CLSTN2: variants seen among roughly 807,000 people sequenced by gnomAD.
CLSTN2 encodes the protein calsyntenin-2.
A neutral mutation model predicts 101.2 loss-of-function variants in CLSTN2; 48 were observed. That is an observed-to-expected ratio of 0.47 (90% CI 0.38 to 0.60). CLSTN2 has a LOEUF of 0.60. CLSTN2 is among the 20% of genes least tolerant of loss of function. The pLI is 0.00. For synonymous variants in CLSTN2, 481 were observed against 463.6 expected (o/e 1.04, Z -0.48); for missense variants, 1,160 against 1,238.2 (o/e 0.94, Z 0.95).
chr3:140,286,201 C>T (rs2086894541), intron 2 of CLSTN2, among the ~76,000 whole-genome samples: 1 of 152,118 alleles, frequency 6.6e-6, no homozygotes, highest in South Asian at 2.1e-4. Context: ...ATGGAGGCCA[C>T]CCCAATAGCC....
intron 1 of CLSTN2, among the ~76,000 whole-genome samples, chr3:140,173,421 G>T (rs2010269947): frequency 6.6e-6 from 1 of 152,210 alleles, no homozygotes; most frequent in African/African-American, 2.4e-5. Context: ...GGCTGATGTT[G>T]AGTACCTGCA....
chr3:140,278,357 C>CG (rs2086813900), intron 2 of CLSTN2, among the ~76,000 whole-genome samples: 1 of 17,544 alleles, frequency 5.7e-5, no homozygotes, highest in African/African-American at 9.6e-5. Context: ...GGGCTCAACA[C>CG]TTGAGCGAGC....
chr3:139,970,810 C>T (rs970457897), intron 1 of CLSTN2, among the ~76,000 whole-genome samples: 2 of 152,154 alleles, frequency 1.3e-5, no homozygotes, highest in Non-Finnish European at 1.5e-5. Context: ...GGACAGTGGT[C>T]GGGAGAGGGT....
chr3:140,384,543 A>G (rs1335027514), intron 2 of CLSTN2, among the ~76,000 whole-genome samples: 3 of 152,150 alleles, frequency 2.0e-5, no homozygotes, highest in Admixed American at 6.5e-5. Flanking sequence ...CCTTGATGAG[A>G]GGTGCCCAGG....
At chr3:140,107,223 C>G (rs2009074910) in intron 1 of CLSTN2, among the ~76,000 whole-genome samples, 1 of 152,140 alleles carries the variant, frequency 6.6e-6, no homozygotes, top group African/African-American at 2.4e-5. Context: ...GTCCTGGCTC[C>G]CCTGCCATCT....
intron 2 of CLSTN2, among the ~76,000 whole-genome samples, chr3:140,395,994 G>T (rs1324152863): frequency 6.6e-6 from 1 of 152,204 alleles, no homozygotes; most frequent in Non-Finnish European, 1.5e-5. Context: ...TTGGCCAGGT[G>T]TTCGCTCCAG....
At chr3:139,974,812 T>A (rs1702144556) in intron 1 of CLSTN2, among the ~76,000 whole-genome samples, 1 of 152,230 alleles carries the variant, frequency 6.6e-6, no homozygotes, top group South Asian at 2.1e-4. Flanking sequence ...GGTAATTTAT[T>A]CTGGGTAATC....
intron 2 of CLSTN2, among the ~76,000 whole-genome samples, chr3:140,219,876 G>T (rs963115426): frequency 1.3e-5 from 2 of 152,170 alleles, no homozygotes; most frequent in Non-Finnish European, 2.9e-5. Flanking sequence ...AGTAAGAGAG[G>T]CCTTACTGAG....
At chr3:139,963,435 A>C (rs1426598389) in intron 1 of CLSTN2, among the ~76,000 whole-genome samples, 1 of 152,090 alleles carries the variant, frequency 6.6e-6, no homozygotes, top group African/African-American at 2.4e-5. Flanking sequence ...ACTTCCTAAT[A>C]TTAAGAGTGG....
chr3:140,512,134 T>C (rs1468206009), intron 8 of CLSTN2, among the ~76,000 whole-genome samples: 2 of 152,180 alleles, frequency 1.3e-5, no homozygotes, highest in East Asian at 3.9e-4. Context: ...AGCTCTTCAG[T>C]TTAATTAGAT....
At chr3:140,279,053 C>T (rs1019926304) in intron 2 of CLSTN2, among the ~76,000 whole-genome samples, 1 of 152,186 alleles carries the variant, frequency 6.6e-6, no homozygotes, top group Admixed American at 6.5e-5. Flanking sequence ...CATTGACCAG[C>T]TTTGCCTACT....
chr3:140,083,056 G>A (rs2008625139), intron 1 of CLSTN2, among the ~76,000 whole-genome samples: 2 of 152,154 alleles, frequency 1.3e-5, no homozygotes, highest in Admixed American at 1.3e-4. Context: ...TTAGGTCTTA[G>A]CTGACATGTT....
chr3:139,955,348 C>T (rs1305262188), intron 1 of CLSTN2, among the ~76,000 whole-genome samples: 1 of 151,812 alleles, frequency 6.6e-6, no homozygotes, highest in Non-Finnish European at 1.5e-5. Context: ...GCTCAAGAGG[C>T]TGTTGTAAAG....
At chr3:140,538,005 G>A (rs986057732) in intron 9 of CLSTN2, among the ~76,000 whole-genome samples, 2 of 129,394 alleles carry the variant, frequency 1.5e-5, no homozygotes, top group African/African-American at 7.5e-5. Context: ...GAGCAACTCT[G>A]TTTTACCTAT....
intron 10 of CLSTN2, among the ~76,000 whole-genome samples, chr3:140,550,930 C>A (rs1935688984): frequency 1.3e-5 from 2 of 151,564 alleles, no homozygotes; most frequent in Non-Finnish European, 2.9e-5. Flanking sequence ...CTGGTAAGAA[C>A]TAGAGCACCG....
chr3:139,977,525 C>G (rs191002600), intron 1 of CLSTN2, among the ~76,000 whole-genome samples: 1 of 152,166 alleles, frequency 6.6e-6, no homozygotes, highest in Admixed American at 6.5e-5. Context: ...TGTTTTTACC[C>G]CCTTACTCAT....
chr3:140,545,673 G>A (rs1380902956), intron 9 of CLSTN2, among the ~76,000 whole-genome samples: 2 of 152,146 alleles, frequency 1.3e-5, no homozygotes, highest in Non-Finnish European at 2.9e-5. Flanking sequence ...GATCCGATTT[G>A]GAAAACCAGG....
intron 2 of CLSTN2, among the ~76,000 whole-genome samples, chr3:140,372,117 C>T (rs1257690336): frequency 1.3e-5 from 2 of 152,088 alleles, no homozygotes; most frequent in Non-Finnish European, 2.9e-5. Flanking sequence ...CTACTGTTGC[C>T]CTGCCTGGAA....
chr3:140,037,123 C>A (rs1435351508), intron 1 of CLSTN2, among the ~76,000 whole-genome samples: 1 of 152,140 alleles, frequency 6.6e-6, no homozygotes, highest in Non-Finnish European at 1.5e-5. Flanking sequence ...ATCAAGGACA[C>A]TTTTAAACCT....
Sources: allele counts gnomAD v4.1 joint callset (sites outside exome capture counted in the v4.1 genomes callset), GRCh38; gene constraint gnomAD v4.1.1; transcripts MANE v1.5; gene names NCBI Gene and HGNC (gene_info 2026-07-23, HGNC 2026-07-21).